Variants in SEC63 observed in about 807,000 individuals in gnomAD.
SEC63 encodes the protein translocation protein SEC63 homolog.
In SEC63, 56 loss-of-function variants were observed where a neutral mutation model predicts 116.2. That is an observed-to-expected ratio of 0.48 (90% CI 0.39 to 0.60). The LOEUF (loss-of-function observed/expected upper bound fraction) is 0.60. Among genes scored for constraint, SEC63 ranks in the 20% least tolerant of loss-of-function variants. SEC63 has a pLI of 0.00. For synonymous variants in SEC63, 273 were observed against 294.6 expected (o/e 0.93, Z 0.75); for missense variants, 668 against 900.0 (o/e 0.74, Z 3.30).
intron 1 of SEC63, among the ~76,000 whole-genome samples, chr6:107,952,331 T>C (rs1017337899): frequency 1.3e-5 from 2 of 152,186 alleles, no homozygotes; most frequent in African/African-American, 4.8e-5. Context: ...AGCTGTGAAA[T>C]GGTGCTATGC....
chr6:107,892,074 T>A (rs553325429), intron 16 of SEC63, among the ~76,000 whole-genome samples: 28 of 152,346 alleles, frequency 1.8e-4, no homozygotes, highest in Middle Eastern at 3.4e-3. Context: ...AGAGCTCGAA[T>A]GCTGTGCTGG....
At chr6:107,953,282 T>C (rs911802578) in intron 1 of SEC63, among the ~76,000 whole-genome samples, 1 of 152,230 alleles carries the variant, frequency 6.6e-6, no homozygotes, top group Non-Finnish European at 1.5e-5. Context: ...TACTTATATA[T>C]GCTGTTGTGT....
chr6:107,942,999 G>C (rs1455875031), intron 1 of SEC63, among the ~76,000 whole-genome samples: 15 of 152,156 alleles, frequency 9.9e-5, no homozygotes. Context: ...CTCTGTATGA[G>C]TCCCATGGTG....
At chr6:107,903,113 A>C (rs998699333) in intron 11 of SEC63, 115 bp from the exon 12 acceptor site, 11 of 1,039,662 alleles carry the variant, frequency 1.1e-5, no homozygotes, top group Middle Eastern at 2.0e-4. Context: ...AAATTTGAGG[A>C]TCATAGTAAG....
At chr6:107,889,427 C>T (rs1181400059) in intron 16 of SEC63, among the ~76,000 whole-genome samples, 1 of 152,114 alleles carries the variant, frequency 6.6e-6, no homozygotes, top group Admixed American at 6.6e-5. Context: ...TCTGTGGGAT[C>T]AGTGGTGACA....
chr6:107,901,315 G>T, intron 13 of SEC63, 55 bp downstream of exon 13: 1 of 1,541,194 alleles, frequency 6.5e-7, no homozygotes, highest in Non-Finnish European at 9.0e-7. Flanking sequence ...TCAAATAAAT[G>T]AGAACCAATC....
rs1354462337 is a variant in SEC63, at chr6:107,877,973, G to GAT, written c.1936-1312_1936-1311insAT. Among the ~76,000 whole-genome samples the GAT allele has an allele frequency of 3.3e-5, 5 of 152,156 alleles. No individual in the cohort carries two copies. In the East Asian group the frequency reaches 9.6e-4, roughly 29 times the overall value. On this transcript the variant is annotated intron_variant, in intron 18 of 20. Transcript: ENST00000369002. ...AAATTCTGCTTAAACCGAGGGTTAG[G>GAT]ACTACCACTGTAGGCATATTTGTAT...
chr6:107,892,504 T>C (rs1217332867), intron 16 of SEC63, among the ~76,000 whole-genome samples: 14 of 152,150 alleles, frequency 9.2e-5, no homozygotes, highest in Admixed American at 8.5e-4. Context: ...ATGTCTTAAT[T>C]TTTAAGACAC....
intron 10 of SEC63, among the ~76,000 whole-genome samples, chr6:107,905,146 T>C (rs1465301696): frequency 6.6e-6 from 1 of 152,220 alleles, no homozygotes; most frequent in Non-Finnish European, 1.5e-5. Context: ...CTTTCATTTA[T>C]ACTGCATATA....
At chr6:107,913,152 A>G (rs1252610105) in intron 5 of SEC63, among the ~76,000 whole-genome samples, 1 of 152,152 alleles carries the variant, frequency 6.6e-6, no homozygotes, top group Non-Finnish European at 1.5e-5. Context: ...AATGATAGTG[A>G]TTATTCTTCT....
chr6:107,893,107 T>C (rs1383456306), intron 16 of SEC63, among the ~76,000 whole-genome samples: 1 of 145,818 alleles, frequency 6.9e-6, no homozygotes, highest in Non-Finnish European at 1.5e-5. Context: ...TGAAATACTA[T>C]ACACACACAC....
intron 1 of SEC63, among the ~76,000 whole-genome samples, chr6:107,938,072 T>C (rs1487857385): frequency 6.6e-6 from 1 of 152,148 alleles, no homozygotes; most frequent in Non-Finnish European, 1.5e-5. Flanking sequence ...GCTGCAACTG[T>C]AAAGCTGATA....
intron 1 of SEC63, among the ~76,000 whole-genome samples, chr6:107,948,165 T>C (rs1187850643): frequency 6.6e-6 from 1 of 152,066 alleles, no homozygotes; most frequent in African/African-American, 2.4e-5. Context: ...AAAATATAAT[T>C]ATTTACTCCT....
Position 107,958,208 on chromosome 6 carries a change from G to C in SEC63, c.-199C>G. 1 of 740,134 alleles carries C rather than the reference G, an allele frequency of 1.4e-6. No individual in the cohort carries two copies. The allele number at this position is 740,134 out of a possible 1,614,324, so 45.8% of individuals were successfully genotyped here. On this transcript the variant is annotated 5_prime_UTR_variant, in exon 1 of 21. Coordinates refer to ENST00000369002, the MANE Select transcript of SEC63 (RefSeq NM_007214.5). ...GCCGCCGTCGCCAGCTCTCGCGAGA[G>C]GAGATAGTTCCCGCCCCGCTCAGTT...
chr6:107,871,769 C>G lies in SEC63; in HGVS notation c.2218G>C (p.Glu740Gln). Residue 740 changes from glutamate to glutamine, a missense_variant, in exon 21 of 21, where the codon GAG becomes CAG. Transcript: ENST00000369002. The part of the protein sequence containing the change: ...DTAIEGDEDQ[E>Q]DSEGFEDSFE... ...CTATCTTCAAAGCCCTCACTGTCCTCCTGGTCTTCATCCCCCTCTATTGCT... is the reference window on the plus strand; with the variant it reads ...CTATCTTCAAAGCCCTCACTGTCCTGCTGGTCTTCATCCCCCTCTATTGCT... 1.2e-6 allele frequency: 2 copies of G among 1,613,768 alleles called. No individual in the cohort carries two copies. The highest frequency in any genetic ancestry group is 2.2e-5 in the South Asian group (2 of 91,076).
At chr6:107,902,052 C>A (rs80185245) in intron 12 of SEC63, among the ~76,000 whole-genome samples, 12 of 152,028 alleles carry the variant, frequency 7.9e-5, no homozygotes, top group Admixed American at 5.9e-4. Flanking sequence ...TACTTAGGAG[C>A]GTGTTCTTTA....
chr6:107,953,997 T>A (rs1173138056), intron 1 of SEC63, among the ~76,000 whole-genome samples: 2 of 152,072 alleles, frequency 1.3e-5, no homozygotes, highest in Non-Finnish European at 2.9e-5. Flanking sequence ...CGGGCCATGA[T>A]GACAATGGCG....
chr6:107,898,480 ATGTC>A (rs1330690540), intron 13 of SEC63, among the ~76,000 whole-genome samples: 1 of 152,168 alleles, frequency 6.6e-6, no homozygotes, highest in Non-Finnish European at 1.5e-5. Flanking sequence ...TGTATGATCA[ATGTC>A]TGTCTGAAAA....
Position 107,893,224 on chromosome 6 carries a change from T to C in SEC63, c.1674+258A>G, listed in dbSNP as rs76285488. On this transcript the variant is annotated intron_variant, in intron 16 of 20. Coordinates refer to ENST00000369002, the MANE Select transcript of SEC63 (RefSeq NM_007214.5). ...ACATAATGCTGAATGAAAGGAGCCA[T>C]ACATAAAATATGACACTTATATGAC... is the stretch of plus-strand genomic sequence containing the variant. Among the ~76,000 whole-genome samples, 952 of 151,816 alleles carry C rather than the reference T, an allele frequency of 6.3e-3. 13 individuals are homozygous for C. Among genetic ancestry groups the C allele is most frequent in the African/African-American group, 0.022 (922 of 41,388 alleles).
Sources: allele counts gnomAD v4.1 joint callset (sites outside exome capture counted in the v4.1 genomes callset), GRCh38; gene constraint gnomAD v4.1.1; transcripts MANE v1.5; gene names NCBI Gene and HGNC (gene_info 2026-07-23, HGNC 2026-07-21).